The following PTPRD variants were observed in gnomAD, a reference collection of about 807,000 sequenced individuals.
PTPRD encodes receptor-type tyrosine-protein phosphatase delta.
PTPRD carries 34 observed loss-of-function variants against 214.5 expected under a neutral mutation model. The ratio of observed to expected loss-of-function variants is 0.16; its 90% CI spans 0.12 to 0.21. The LOEUF (loss-of-function observed/expected upper bound fraction) is 0.21, where lower values mean the gene tolerates loss of function less well. PTPRD is among the 10% of genes least tolerant of loss of function. The pLI is 1.00. For missense variants in PTPRD, 2,545 were observed against 2,398.7 expected, an observed-to-expected ratio of 1.06 and a Z score of -1.27; for synonymous variants, 1,128 against 845.7, an observed-to-expected ratio of 1.33 and a Z score of -5.79.
intron 7 of PTPRD, among the ~76,000 whole-genome samples, chr9:9,650,484 C>G (rs1447555865): frequency 6.6e-6 from 1 of 152,058 alleles, no homozygotes; most frequent in Admixed American, 6.5e-5. Flanking sequence ...AGGATTTTTG[C>G]ATCAATGTTC....
In PTPRD at chr9:10,452,756, A is replaced by AT. The variant is rs145793196; in HGVS notation, c.-599-111740dup. On this transcript the variant is annotated intron_variant, in intron 2 of 45. Coordinates refer to ENST00000381196, the MANE Select transcript of PTPRD (RefSeq NM_002839.4). Reference sequence around the variant, plus strand: ...CATGTCAGATACATGGTTTGCAATTATTTTTTCTTATAACATTGGTTGCCT... The same window carrying AT: ...CATGTCAGATACATGGTTTGCAATTATTTTTTTCTTATAACATTGGTTGCCT... 1.8e-3 allele frequency among the ~76,000 whole-genome samples: 271 copies of AT among 151,668 alleles called. 1 individual carries two copies. Among genetic ancestry groups the AT allele is most frequent in the African/African-American group, 6.1e-3 (254 of 41,452 alleles).
rs80056701 is a variant in PTPRD, at chr9:8,740,011, G to A, written c.-103-6065C>T. Among the ~76,000 whole-genome samples the A allele has an allele frequency of 8.5e-3, 1,291 of 152,176 alleles. 15 individuals are homozygous for A. The highest frequency in any genetic ancestry group is 0.029 in the African/African-American group (1,202 of 41,498). Reference sequence around the variant, plus strand: ...ACCTTTTTTTCTTCCCAGTGTCTCAGGTATGTCTTTATCAACAGTGTGAAA... The same window carrying A: ...ACCTTTTTTTCTTCCCAGTGTCTCAAGTATGTCTTTATCAACAGTGTGAAA... On this transcript the variant is annotated intron_variant, in intron 11 of 45. Coordinates refer to ENST00000381196, the MANE Select transcript of PTPRD (RefSeq NM_002839.4).
intron 12 of PTPRD, among the ~76,000 whole-genome samples, chr9:8,694,801 C>T (rs552632954): frequency 2.3e-3 from 351 of 152,168 alleles, no homozygotes; most frequent in African/African-American, 8.0e-3. Flanking sequence ...TTCGGAGCTG[C>T]TTAAATCTTA....
chr9:10,476,935 T>C (rs1384575344), intron 2 of PTPRD, among the ~76,000 whole-genome samples: 1 of 152,104 alleles, frequency 6.6e-6, no homozygotes, highest in Non-Finnish European at 1.5e-5. Context: ...GCTAGCCATA[T>C]CCAGAAAACA....
At chr9:10,029,963 C>T (rs965627504) in intron 4 of PTPRD, among the ~76,000 whole-genome samples, 1 of 152,082 alleles carries the variant, frequency 6.6e-6, no homozygotes, top group Non-Finnish European at 1.5e-5. Context: ...CGGGTCTTTT[C>T]TGTGCTGTTC....
At chr9:9,495,358 G>C (rs1017195727) in intron 8 of PTPRD, among the ~76,000 whole-genome samples, 1 of 149,770 alleles carries the variant, frequency 6.7e-6, no homozygotes, top group Non-Finnish European at 1.5e-5. Context: ...AAACCCAACA[G>C]TTTGAAACCT....
At chr9:9,790,396 C>G (rs2098959002) in intron 5 of PTPRD, among the ~76,000 whole-genome samples, 2 of 152,144 alleles carry the variant, frequency 1.3e-5, no homozygotes, top group Non-Finnish European at 2.9e-5. Flanking sequence ...GTTTGCTTCC[C>G]TGCTTATTGT....
intron 9 of PTPRD, among the ~76,000 whole-genome samples, chr9:9,202,062 C>A (rs1317422443): frequency 6.6e-6 from 1 of 152,082 alleles, no homozygotes; most frequent in African/African-American, 2.4e-5. Flanking sequence ...ATAAGAAAAG[C>A]CTTGATGGAA....
At chr9:8,813,655 G>C (rs767354195) in intron 11 of PTPRD, among the ~76,000 whole-genome samples, 5 of 152,126 alleles carry the variant, frequency 3.3e-5, no homozygotes, top group African/African-American at 1.2e-4. Flanking sequence ...TTACAGGTAC[G>C]AGCCACCGCG....
At chr9:10,568,862 G>T (rs1038467262) in intron 2 of PTPRD, among the ~76,000 whole-genome samples, 1 of 152,122 alleles carries the variant, frequency 6.6e-6, no homozygotes, top group Non-Finnish European at 1.5e-5. Flanking sequence ...ATACGCTTGG[G>T]CAAGGACTTC....
At chr9:10,342,016 T>C (rs748526483) in intron 2 of PTPRD, among the ~76,000 whole-genome samples, 1 of 152,044 alleles carries the variant, frequency 6.6e-6, no homozygotes, top group Non-Finnish European at 1.5e-5. Flanking sequence ...CTTAAGTGTA[T>C]GCTAGGATCA....
Position 10,311,513 on chromosome 9 carries a change from C to T in PTPRD, c.-545+29450G>A, listed in dbSNP as rs79508300. On this transcript the variant is annotated intron_variant, in intron 3 of 45. Coordinates refer to ENST00000381196, the MANE Select transcript of PTPRD (RefSeq NM_002839.4). ...TACAAAATCAAGATAAATATAATTG[C>T]ACTCTCTGCTTCATTGGGATATTTG... 1.2e-3 allele frequency among the ~76,000 whole-genome samples: 188 copies of T among 152,082 alleles called. 1 individual carries two copies. Among genetic ancestry groups the T allele is most frequent in the African/African-American group, 4.3e-3 (180 of 41,520 alleles).
intron 4 of PTPRD, among the ~76,000 whole-genome samples, chr9:9,987,784 T>A (rs1203625428): frequency 6.6e-6 from 1 of 152,216 alleles, no homozygotes; most frequent in Non-Finnish European, 1.5e-5. Flanking sequence ...CATAGTAATG[T>A]ATGGAATAAA....
intron 21 of PTPRD, among the ~76,000 whole-genome samples, chr9:8,510,294 A>T (rs1223848576): frequency 6.6e-6 from 1 of 151,976 alleles, no homozygotes; most frequent in Non-Finnish European, 1.5e-5. Flanking sequence ...CCTGTCTCTA[A>T]AAATAAATAA....
chr9:9,180,464 G>T (rs1261722537), intron 10 of PTPRD, among the ~76,000 whole-genome samples: 3 of 113,718 alleles, frequency 2.6e-5, no homozygotes, highest in African/African-American at 1.0e-4. Flanking sequence ...GGGGGAGGGC[G>T]GAGGGATAGC....
intron 2 of PTPRD, among the ~76,000 whole-genome samples, chr9:10,484,610 G>C (rs2099120829): frequency 6.6e-6 from 1 of 152,074 alleles, no homozygotes; most frequent in Non-Finnish European, 1.5e-5. Context: ...TTTCATAATA[G>C]TTTTGATTTG....
chr9:10,010,517 T>A (rs1184505669), intron 4 of PTPRD, among the ~76,000 whole-genome samples: 2 of 151,780 alleles, frequency 1.3e-5, no homozygotes, highest in African/African-American at 4.8e-5. Flanking sequence ...CAGGTATTGA[T>A]GAGTTCCATA....
chr9:8,894,246 T>G (rs2098579251), intron 11 of PTPRD, among the ~76,000 whole-genome samples: 3 of 149,852 alleles, frequency 2.0e-5, no homozygotes. Context: ...TCCCAGCTAC[T>G]CAGGAGGCTG....
intron 8 of PTPRD, among the ~76,000 whole-genome samples, chr9:9,440,993 C>G (rs2087457551): frequency 6.6e-6 from 1 of 152,172 alleles, no homozygotes; most frequent in Non-Finnish European, 1.5e-5. Flanking sequence ...CCTAGTCAAT[C>G]TACAGAAAGT....
Sources: allele counts gnomAD v4.1 joint callset (sites outside exome capture counted in the v4.1 genomes callset), GRCh38; gene constraint gnomAD v4.1.1; transcripts MANE v1.5; gene names NCBI Gene and HGNC (gene_info 2026-07-23, HGNC 2026-07-21).